The following SLC26A11 variants were observed in gnomAD, a reference collection of about 807,000 sequenced individuals.
The protein encoded by SLC26A11 is sodium-independent sulfate anion transporter.
In SLC26A11, 58 loss-of-function variants were observed where a neutral mutation model predicts 62.2. The observed-to-expected ratio is 0.93, with a 90% confidence interval of 0.76 to 1.16. SLC26A11 has a LOEUF of 1.16. Among genes scored for constraint, SLC26A11 ranks in the 50% most tolerant of loss-of-function variants. The probability of loss-of-function intolerance (pLI) is 0.00; values close to 1 mark genes in which losing one functional copy is unlikely to be tolerated. For synonymous variants in SLC26A11, 411 were observed against 368.9 expected, an observed-to-expected ratio of 1.11 and a Z score of -1.31; for missense variants, 790 against 794.3, an observed-to-expected ratio of 0.99 and a Z score of 0.06.
chr17:80,245,102 C>T, intron 10 of SLC26A11, 94 bp from the exon 11 acceptor site: 3 of 1,152,974 alleles, frequency 2.6e-6, no homozygotes, highest in African/African-American at 3.0e-5. Context: ...TGCCTTCCTG[C>T]CTCCCTTCTG....
chr17:80,245,347 G>A (rs375093475), intron 11 of SLC26A11, 91 bp downstream of exon 11: 11 of 1,327,646 alleles, frequency 8.3e-6, no homozygotes, highest in Admixed American at 7.1e-5. Context: ...TGACCCCGGC[G>A]CCCCGTCCTC....
intron 16 of SLC26A11, among the ~76,000 whole-genome samples, chr17:80,249,591 A>G (rs2043104904): frequency 6.6e-6 from 1 of 152,172 alleles, no homozygotes; most frequent in African/African-American, 2.4e-5. Context: ...TCTCAGGGGA[A>G]TTGTATTTTA....
At chr17:80,244,021 C>T (rs1284045216) in intron 10 of SLC26A11, among the ~76,000 whole-genome samples, 1 of 152,234 alleles carries the variant, frequency 6.6e-6, no homozygotes, top group Non-Finnish European at 1.5e-5. Flanking sequence ...CCTGTATTTC[C>T]TTGCCCTAGC....
intron 7 of SLC26A11, among the ~76,000 whole-genome samples, chr17:80,232,847 A>C (rs1192674539): frequency 1.3e-5 from 2 of 151,992 alleles, no homozygotes; most frequent in African/African-American, 4.8e-5. Context: ...TGTAACGGCT[A>C]TATTTAGTTT....
chr17:80,241,835 C>T lies in SLC26A11; in HGVS notation c.1036+14C>T, dbSNP rs201538792. The T allele has an allele frequency of 4.5e-5, 72 of 1,614,154 alleles. No homozygotes were observed. In the East Asian group the frequency reaches 6.5e-4, roughly 14 times the overall value. On this transcript the variant is annotated intron_variant, in intron 10 of 17. Coordinates refer to ENST00000361193, the MANE Select transcript of SLC26A11 (RefSeq NM_001166347.2). ...TGCTGGCCATCGGTAAGACCCCAGCCGCGGGAAGGAAGACACCAGCTGTGG... is the reference window on the plus strand; with the variant it reads ...TGCTGGCCATCGGTAAGACCCCAGCTGCGGGAAGGAAGACACCAGCTGTGG...
rs2042448970 is a variant in SLC26A11, at chr17:80,227,729, G to T, written c.594-89G>T. 2.0e-6 allele frequency: 3 copies of T among 1,524,084 alleles called. No homozygotes were observed. In the Admixed American group the frequency reaches 5.4e-5, roughly 27 times the overall value. 94.4% of individuals were successfully genotyped at this position (1,524,084 alleles called of 1,614,324 possible). A position where few individuals can be genotyped will look rare whatever the true frequency, so the allele number is the denominator to read the frequency against. On this transcript the variant is annotated intron_variant, in intron 6 of 17. Transcript: ENST00000361193. ...TGGGCCTCCCTGGGAGCTTCTTAGT[G>T]CCTCTCAGCTTAAGCAGCAGCAGGA...
At chr17:80,248,958 A>C (rs1281109559) in intron 15 of SLC26A11, among the ~76,000 whole-genome samples, 196 bp from the exon 16 acceptor site, 1 of 152,114 alleles carries the variant, frequency 6.6e-6, no homozygotes, top group African/African-American at 2.4e-5. Flanking sequence ...CCTAGGAGGG[A>C]AACAGCTGCT....
In SLC26A11 at chr17:80,248,137, C is replaced by A; in HGVS notation, c.1302C>A (p.Asp434Glu). The change falls in exon 14 of 18, where the codon GAC becomes GAA. Residue 434 changes from aspartate (D) to glutamate (E), a missense_variant. Physicochemically the swap from Asp to Glu is conservative, Grantham distance 45. Coordinates refer to ENST00000361193, the MANE Select transcript of SLC26A11 (RefSeq NM_001166347.2). ...FRTLWRVKRL[D>E]LLPLCVTFLL... is the part of the protein sequence containing the mutation. ...GCTGTGCCCTTCTCCTAGGGCTGGA[C>A]CTGCTGCCCCTGTGCGTGACCTTCC... The A allele has an allele frequency of 6.2e-7, 1 of 1,603,032 alleles. No individual in the cohort carries two copies.
At position 80,228,018 on chromosome 17, in the gene SLC26A11, G is replaced by A; in HGVS notation, c.736+58G>A. 7 of 1,524,796 alleles carry A rather than the reference G, an allele frequency of 4.6e-6. No individual in the cohort carries two copies. The highest frequency in any genetic ancestry group is 6.2e-6 in the Non-Finnish European group (7 of 1,127,244). The allele number at this position is 1,524,796 out of a possible 1,614,324, so 94.5% of individuals were successfully genotyped here. On this transcript the variant is annotated intron_variant, in intron 7 of 17. Coordinates refer to ENST00000361193, the MANE Select transcript of SLC26A11 (RefSeq NM_001166347.2). This position sits in a 1 kb window ranked among gnomAD's most constrained non-coding sequence, Gnocchi z 4.1. ...CTTGGCTGCAGGTTGGGGTCACTTG[G>A]GGAGTCCTAGTCCCACCCTAGGGAT...
chr17:80,237,495 AC>A, intron 8 of SLC26A11, 26 bp from the exon 9 acceptor site: 1 of 1,594,766 alleles, frequency 6.3e-7, no homozygotes, highest in East Asian at 2.3e-5. Context: ...TAGGAAGGTC[AC>A]TCACCATCCC....
intron 9 of SLC26A11, among the ~76,000 whole-genome samples, chr17:80,240,468 TC>T (rs1345618567): frequency 6.6e-6 from 1 of 152,152 alleles, no homozygotes; most frequent in Non-Finnish European, 1.5e-5. Flanking sequence ...TCTTAGACTT[TC>T]CAGTCATCTC....
In SLC26A11 at chr17:80,252,586, AG is replaced by A. The variant is rs767462962; in HGVS notation, c.1730-38del. On this transcript the variant is annotated intron_variant, in intron 17 of 17. Transcript: ENST00000361193. The surrounding 1 kb of genome is among the most constrained non-coding windows in gnomAD (Gnocchi z 5.2). Reference sequence around the variant, plus strand: ...GTGAACTGACCCATCCTCACTTCTGAGCTTTTAGTGCTTGAAACATTTATTG... The same window carrying A: ...GTGAACTGACCCATCCTCACTTCTGACTTTTAGTGCTTGAAACATTTATTG... 6.3e-7 allele frequency: 1 copy of A among 1,597,850 alleles called. No individual in the cohort carries two copies. The highest frequency in any genetic ancestry group is 8.6e-7 in the Non-Finnish European group (1 of 1,167,308).
intron 2 of SLC26A11, 125 bp from the exon 3 acceptor site, chr17:80,221,423 T>G: frequency 1.5e-6 from 1 of 664,322 alleles, no homozygotes; most frequent in Middle Eastern, 4.1e-4. Flanking sequence ...CTTAGAGCCG[T>G]TCGCCCCCCT....
rs775261518 is a variant in SLC26A11 at position 80,225,935 on chromosome 17, C to T, written c.593+19C>T. The T allele has an allele frequency of 6.2e-7, 1 of 1,610,722 alleles. No individual in the cohort carries two copies. Among genetic ancestry groups the T allele is most frequent in the South Asian group, 1.1e-5 (1 of 90,996 alleles). ...AGACCAGGTACCCCGGGCTTTGTTC[C>T]TCCCTCCTATAAGGAAGCTCCTTCT... is the stretch of plus-strand genomic sequence containing the variant. On this transcript the variant is annotated intron_variant, in intron 6 of 17. Transcript: ENST00000361193.
intron 11 of SLC26A11, among the ~76,000 whole-genome samples, chr17:80,245,877 A>T (rs1358443394): frequency 6.6e-6 from 1 of 152,130 alleles, no homozygotes; most frequent in Non-Finnish European, 1.5e-5. Context: ...CCTGCTGGGT[A>T]TGGGGGCCCC....
At position 80,227,905 on chromosome 17, in the gene SLC26A11, C is replaced by G. The variant is rs776881691; in HGVS notation, c.681C>G (p.Pro227=). 8 of 1,601,480 alleles carry G rather than the reference C, an allele frequency of 5.0e-6. No homozygotes were observed. Among genetic ancestry groups the G allele is most frequent in the Non-Finnish European group, 6.8e-6 (8 of 1,179,830 alleles). The change falls in exon 7 of 18, where the codon CCC becomes CCG. Residue 227 remains proline, a synonymous_variant. Coordinates refer to ENST00000361193, the MANE Select transcript of SLC26A11 (RefSeq NM_001166347.2). ...LMRDHVPPVH[P]EMPPGVRLSR... Reference sequence around the variant, plus strand: ...GGGACCACGTGCCTCCCGTCCACCCCGAGATGCCCCCTGGTGTGCGGCTCA... The same window carrying G: ...GGGACCACGTGCCTCCCGTCCACCCGGAGATGCCCCCTGGTGTGCGGCTCA...
chr17:80,251,852 T>G (rs1294690733), intron 17 of SLC26A11, among the ~76,000 whole-genome samples: 2 of 151,862 alleles, frequency 1.3e-5, no homozygotes, highest in East Asian at 3.9e-4. Flanking sequence ...AACACGCATA[T>G]GTACCTGCCT....
In SLC26A11 at chr17:80,246,284, G is replaced by A. The variant is rs76617433; in HGVS notation, c.1153+75G>A. On this transcript the variant is annotated intron_variant, in intron 12 of 17. Transcript: ENST00000361193. The surrounding 1 kb of genome is among the most constrained non-coding windows in gnomAD (Gnocchi z 4.4). ...AAGGGAGGAGGGGGCCCACAGAGAC[G>A]TCCCTTTGGCTCATGGGCCGTGCGC... is the stretch of plus-strand genomic sequence containing the variant. The A allele has an allele frequency of 5.7e-3, 8,862 of 1,544,930 alleles. 467 individuals are homozygous for A. In the African/African-American group the frequency reaches 0.11, roughly 19 times the overall value.
In SLC26A11 at chr17:80,252,658, C is replaced by T. The variant is rs1223163316; in HGVS notation, c.1763C>T (p.Pro588Leu). 17 of 1,613,862 alleles carry T rather than the reference C, an allele frequency of 1.1e-5. No individual in the cohort carries two copies. Among genetic ancestry groups the T allele is most frequent in the Non-Finnish European group, 1.4e-5 (17 of 1,179,966 alleles). ...KHLRQEPGTQ[P>L]YNIREDSILD... ...CTGAGGCAGGAGCCAGGGACCCAGC[C>T]CTACAACATCAGAGAAGACTCCATT... Residue 588 changes from proline to leucine, a missense_variant, in exon 18 of 18, where the codon CCC becomes CTC. By Grantham distance (98) the Pro-to-Leu change is moderately conservative. Transcript: ENST00000361193. The surrounding 1 kb of genome is among the most constrained non-coding windows in gnomAD (Gnocchi z 5.2).
Sources: allele counts gnomAD v4.1 joint callset (sites outside exome capture counted in the v4.1 genomes callset), GRCh38; gene constraint gnomAD v4.1.1; non-coding constraint Gnocchi (gnomAD v3.1); transcripts MANE v1.5; gene names NCBI Gene and HGNC (gene_info 2026-07-23, HGNC 2026-07-21).